Variants in PKIG observed in about 807,000 individuals in gnomAD.
PKIG encodes protein kinase (cAMP-dependent, catalytic) inhibitor gamma.
A neutral mutation model predicts 6.8 loss-of-function variants in PKIG; 1 was observed. The observed-to-expected ratio is 0.15, with a 90% CI of 0.05 to 0.69. The LOEUF (loss-of-function observed/expected upper bound fraction) is 0.69, where lower values mean the gene tolerates loss of function less well. PKIG is among the 30% of genes least tolerant of loss of function. The pLI is 0.82. For synonymous variants in PKIG, 39 were observed against 43.0 expected (o/e 0.91, Z 0.36); for missense variants, 77 against 104.0 (o/e 0.74, Z 1.13).
chr20:44,593,181 G>T (rs1399028643), intron 2 of PKIG, among the ~76,000 whole-genome samples: 1 of 151,498 alleles, frequency 6.6e-6, no homozygotes, highest in Admixed American at 6.6e-5. Flanking sequence ...AATCCAAAAA[G>T]TAGCTGGGCA....
intron 1 of PKIG, among the ~76,000 whole-genome samples, chr20:44,588,471 G>A (rs923433675): frequency 1.3e-5 from 2 of 151,716 alleles, no homozygotes; most frequent in African/African-American, 2.4e-5. Context: ...GTGAAACCCC[G>A]TCTGTACTAA....
At chr20:44,536,388 A>G (rs2123124902) in intron 1 of PKIG, among the ~76,000 whole-genome samples, 1 of 152,268 alleles carries the variant, frequency 6.6e-6, no homozygotes, top group African/African-American at 2.4e-5. Context: ...TCAGAAAAAA[A>G]ATGAGGAAGT....
At chr20:44,543,629 G>T (rs1460038584) in intron 1 of PKIG, among the ~76,000 whole-genome samples, 1 of 152,174 alleles carries the variant, frequency 6.6e-6, no homozygotes, top group Non-Finnish European at 1.5e-5. Context: ...TACTGTCACA[G>T]GCTTCTTTCC....
intron 2 of PKIG, among the ~76,000 whole-genome samples, chr20:44,600,474 G>A (rs1568830091): frequency 6.6e-6 from 1 of 152,118 alleles, no homozygotes; most frequent in Non-Finnish European, 1.5e-5. Context: ...TCAGAGTCCT[G>A]GTGAGACATT....
chr20:44,563,004 C>T (rs1036014624), intron 1 of PKIG, among the ~76,000 whole-genome samples: 1 of 151,974 alleles, frequency 6.6e-6, no homozygotes, highest in Non-Finnish European at 1.5e-5. Context: ...GAGTGGAGAT[C>T]GTGCCATTGC....
At position 44,546,321 on chromosome 20, in the gene PKIG, G is replaced by A. The variant is rs74370704; in HGVS notation, c.-241+14343G>A. Among the ~76,000 whole-genome samples, 271 of 152,124 alleles carry A rather than the reference G, an allele frequency of 1.8e-3. 1 individual carries two copies. The East Asian group carries it at 0.019, about 11-fold the overall frequency. ...TAGCCAGTATTTGGAAAATAAACATGCATTTTTAATGATTCCTCTCTTTAA... is the reference window on the plus strand; with the variant it reads ...TAGCCAGTATTTGGAAAATAAACATACATTTTTAATGATTCCTCTCTTTAA... On this transcript the variant is annotated intron_variant, in intron 1 of 4. Coordinates refer to the PKIG transcript ENST00000372887.
chr20:44,600,507 G>A (rs2065111933), intron 2 of PKIG, among the ~76,000 whole-genome samples: 1 of 152,016 alleles, frequency 6.6e-6, no homozygotes, highest in Admixed American at 6.5e-5. Flanking sequence ...TGGTGCATGT[G>A]GAGGAGAGAG....
intron 1 of PKIG, among the ~76,000 whole-genome samples, chr20:44,562,896 T>G (rs922559443): frequency 1.3e-5 from 2 of 152,024 alleles, no homozygotes; most frequent in African/African-American, 4.8e-5. Context: ...CCATCTCTAC[T>G]AAAAATACAA....
intron 2 of PKIG, among the ~76,000 whole-genome samples, chr20:44,602,910 A>G (rs1223011882): frequency 6.6e-6 from 1 of 152,126 alleles, no homozygotes. Flanking sequence ...ATGGTGGGAA[A>G]GGAAGCTGAG....
At chr20:44,607,933 A>C (rs1392133733) in intron 2 of PKIG, among the ~76,000 whole-genome samples, 9 of 141,158 alleles carry the variant, frequency 6.4e-5, no homozygotes, top group African/African-American at 1.1e-4. Flanking sequence ...ATCCACACCC[A>C]CCCCCCGCCG....
chr20:44,618,480 C>T lies in PKIG; in HGVS notation c.*116C>T. 2 of 768,802 alleles carry T rather than the reference C, an allele frequency of 2.6e-6. No individual in the cohort carries two copies. Among genetic ancestry groups the T allele is most frequent in the Non-Finnish European group, 4.6e-6 (2 of 437,274 alleles). The allele number at this position is 768,802 out of a possible 1,614,324, so 47.6% of individuals were successfully genotyped here. A position where few individuals can be genotyped will look rare whatever the true frequency, so the allele number is the denominator to read the frequency against. On this transcript the variant is annotated 3_prime_UTR_variant, in exon 4 of 4. Transcript: ENST00000372886. ...AGCTCCATGTCCCAGATAAACCAGG[C>T]CAGACTGAGAAGGCTCCCCAGAGGC...
rs569436405 is a variant in PKIG at position 44,568,132 on chromosome 20, C to A, written c.-240-14453C>A. Among the ~76,000 whole-genome samples the A allele has an allele frequency of 1.1e-4, 16 of 152,180 alleles. No homozygotes were observed. In the South Asian group the frequency reaches 2.1e-3, roughly 20 times the overall value. On this transcript the variant is annotated intron_variant, in intron 1 of 4. Transcript: ENST00000372887. ...CTCGAGCCTGGGTGACAGAATGAGA[C>A]CCTGTCTGAAAATAAATAAATAAAT... is the stretch of plus-strand genomic sequence containing the variant.
intron 1 of PKIG, among the ~76,000 whole-genome samples, chr20:44,572,880 G>A (rs6103776): frequency 3.9e-5 from 6 of 152,072 alleles, no homozygotes; most frequent in Admixed American, 1.3e-4. Flanking sequence ...GTTATCCCAC[G>A]TTTGGCTCCC....
Position 44,610,909 on chromosome 20 carries a change from T to TG in PKIG, c.-23-3621dup, listed in dbSNP as rs569931740. On this transcript the variant is annotated intron_variant, in intron 2 of 3. Transcript: ENST00000372886. ...ACTGACATGTCATTGTATATATTTG[T>TG]GGGGTGCAACTTGATGTTTTGATAC... Among the ~76,000 whole-genome samples, 23 of 152,260 alleles carry TG rather than the reference T, an allele frequency of 1.5e-4. 1 individual carries two copies. The highest frequency in any genetic ancestry group is 4.6e-4 in the African/African-American group (19 of 41,546).
At chr20:44,605,571 A>G (rs573284864) in intron 2 of PKIG, among the ~76,000 whole-genome samples, 9 of 152,244 alleles carry the variant, frequency 5.9e-5, no homozygotes, top group African/African-American at 2.2e-4. Context: ...ATACCTTATT[A>G]CAGATAAATT....
intron 2 of PKIG, among the ~76,000 whole-genome samples, chr20:44,610,727 A>G (rs367872821): frequency 6.6e-6 from 1 of 151,716 alleles, no homozygotes; most frequent in African/African-American, 2.4e-5. Context: ...GTTTTTTCAG[A>G]TTTTTTTTTC....
At chr20:44,553,843 T>C (rs1372910728) in intron 1 of PKIG, among the ~76,000 whole-genome samples, 1 of 151,572 alleles carries the variant, frequency 6.6e-6, no homozygotes, top group Non-Finnish European at 1.5e-5. Context: ...TCTGGTGGGG[T>C]GAGTAGGCAT....
chr20:44,599,641 G>C (rs1568829701), intron 2 of PKIG, among the ~76,000 whole-genome samples: 1 of 152,176 alleles, frequency 6.6e-6, no homozygotes, highest in Non-Finnish European at 1.5e-5. Context: ...AGAATCGCTT[G>C]AACCTGGGAG....
At chr20:44,618,021 C>A (rs1260984491) in intron 3 of PKIG, among the ~76,000 whole-genome samples, 1 of 152,214 alleles carries the variant, frequency 6.6e-6, no homozygotes, top group African/African-American at 2.4e-5. Context: ...AAGAGCCCTT[C>A]ACTTGATGCT....
Sources: allele counts gnomAD v4.1 joint callset (sites outside exome capture counted in the v4.1 genomes callset), GRCh38; gene constraint gnomAD v4.1.1; transcripts MANE v1.5; gene names NCBI Gene and HGNC (gene_info 2026-07-23, HGNC 2026-07-21).